Variants in PPP1R12B observed in about 807,000 individuals in gnomAD.
PPP1R12B encodes protein phosphatase 1 regulatory subunit 12B.
PPP1R12B carries 76 observed loss-of-function variants against 126.1 expected under a neutral mutation model. The ratio of observed to expected loss-of-function variants is 0.60; its 90% confidence interval spans 0.50 to 0.73. The LOEUF is 0.73. PPP1R12B is among the 30% of genes least tolerant of loss of function. The probability of loss-of-function intolerance (pLI) is 0.00; values close to 1 mark genes in which losing one functional copy is unlikely to be tolerated. For missense variants in PPP1R12B, 1,052 were observed against 1,205.1 expected (o/e 0.87, Z 1.88); for synonymous variants, 356 against 434.7 (o/e 0.82, Z 2.25).
intron 5 of PPP1R12B, 136 bp from the exon 6 acceptor site, chr1:202,428,719 A>G (rs1368307202): frequency 5.8e-6 from 4 of 686,460 alleles, no homozygotes; most frequent in East Asian, 2.8e-5. Flanking sequence ...ATCATAATGT[A>G]TGGTAGATTA....
chr1:202,543,515 G>A (rs868180478), intron 18 of PPP1R12B, among the ~76,000 whole-genome samples: 1 of 152,128 alleles, frequency 6.6e-6, no homozygotes, highest in Non-Finnish European at 1.5e-5. Context: ...CTGAAGCCTC[G>A]TGGACCACGA....
At chr1:202,580,356 G>T in intron 23 of PPP1R12B, 118 bp from the exon 24 acceptor site, 1 of 713,160 alleles carries the variant, frequency 1.4e-6, no homozygotes, top group South Asian at 1.6e-5. Context: ...GACCATGAGA[G>T]TTTATTCCAC....
rs146061927 is a variant in PPP1R12B at position 202,431,410 on chromosome 1, T to C, written c.1002-70T>C. On this transcript the variant is annotated intron_variant, in intron 7 of 23. Transcript: ENST00000608999. ...GTTATTGCTTCCACATATAGGTTTA[T>C]AGACTTGTTCCCTTTATTATACCTG... The C allele has an allele frequency of 6.7e-4, 879 of 1,318,664 alleles. 8 individuals carry two copies. In the South Asian group the frequency reaches 9.2e-3, roughly 14 times the overall value. The allele number at this position is 1,318,664 out of a possible 1,614,324, so 81.7% of individuals were successfully genotyped here. A position where few individuals can be genotyped will look rare whatever the true frequency, so the allele number is the denominator to read the frequency against.
intron 18 of PPP1R12B, among the ~76,000 whole-genome samples, chr1:202,529,996 T>G (rs1262436106): frequency 6.6e-6 from 1 of 152,212 alleles, no homozygotes; most frequent in Non-Finnish European, 1.5e-5. Context: ...TTTATAGTCT[T>G]AACAAAAATT....
intron 18 of PPP1R12B, among the ~76,000 whole-genome samples, chr1:202,547,883 C>A (rs1685813975): frequency 6.6e-6 from 1 of 151,966 alleles, no homozygotes; most frequent in South Asian, 2.1e-4. Flanking sequence ...TTGGGAGAGC[C>A]AAAAGACCAA....
intron 18 of PPP1R12B, among the ~76,000 whole-genome samples, chr1:202,517,856 C>T (rs1217260899): frequency 6.6e-6 from 1 of 152,102 alleles, no homozygotes. Context: ...GAACTCCTGA[C>T]CTCAGGTGAT....
At chr1:202,386,033 A>C (rs942996925) in intron 1 of PPP1R12B, among the ~76,000 whole-genome samples, 2 of 151,190 alleles carry the variant, frequency 1.3e-5, no homozygotes, top group Admixed American at 1.3e-4. Context: ...TCCCGGGTTC[A>C]CACCATTCTC....
chr1:202,465,186 C>T (rs1431595592), intron 13 of PPP1R12B, among the ~76,000 whole-genome samples: 3 of 152,156 alleles, frequency 2.0e-5, no homozygotes, highest in Non-Finnish European at 4.4e-5. Context: ...AATCTGTCCA[C>T]AGTCACAGAA....
intron 8 of PPP1R12B, 27 bp downstream of exon 8, chr1:202,431,646 A>G (rs373184523): frequency 5.5e-5 from 88 of 1,589,286 alleles, no homozygotes; most frequent in African/African-American, 1.4e-5. Flanking sequence ...CATAGTGAAG[A>G]TCCTCTATCT....
intron 18 of PPP1R12B, among the ~76,000 whole-genome samples, chr1:202,524,345 A>C (rs1367614293): frequency 2.0e-5 from 3 of 152,180 alleles, no homozygotes. Context: ...TTGGGGAAGA[A>C]AACTAGGAAG....
intron 14 of PPP1R12B, among the ~76,000 whole-genome samples, chr1:202,492,253 T>C (rs536811276): frequency 1.3e-5 from 2 of 152,376 alleles, no homozygotes; most frequent in East Asian, 1.9e-4. Flanking sequence ...ACAGTAACCA[T>C]TGGATTTGTC....
Position 202,388,739 on chromosome 1 carries a change from A to G in PPP1R12B, c.292-28048A>G, listed in dbSNP as rs539046086. On this transcript the variant is annotated intron_variant, in intron 1 of 23. Coordinates refer to ENST00000608999, the MANE Select transcript of PPP1R12B (RefSeq NM_002481.4). ...CATAGTGTTTGCTATTATTGTTTTT[A>G]TTATAAAATCCATGTAACTCTAGTC... Among the ~76,000 whole-genome samples, 20 of 152,266 alleles carry G rather than the reference A, an allele frequency of 1.3e-4. No homozygotes were observed. In the East Asian group the frequency reaches 3.7e-3, roughly 28 times the overall value.
chr1:202,398,764 C>A (rs1452081651), intron 1 of PPP1R12B, among the ~76,000 whole-genome samples: 1 of 152,144 alleles, frequency 6.6e-6, no homozygotes, highest in Non-Finnish European at 1.5e-5. Flanking sequence ...CCAAGTAACT[C>A]TGTTTTAGTT....
chr1:202,444,855 C>A lies in PPP1R12B; in HGVS notation c.1667+2283C>A, dbSNP rs116258286. Reference sequence around the variant, plus strand: ...TTCAAAGAGTGATGATTCCTTCATTCTTTTGGATGATTGCCTGCTTGCTGC... The same window carrying A: ...TTCAAAGAGTGATGATTCCTTCATTATTTTGGATGATTGCCTGCTTGCTGC... On this transcript the variant is annotated intron_variant, in intron 12 of 23. Transcript: ENST00000608999. Among the ~76,000 whole-genome samples, 957 of 152,294 alleles carry A rather than the reference C, an allele frequency of 6.3e-3. 7 individuals are homozygous for A. The highest frequency in any genetic ancestry group is 0.014 in the African/African-American group (580 of 41,560).
chr1:202,492,948 A>G (rs1487688169), intron 14 of PPP1R12B, among the ~76,000 whole-genome samples, 166 bp from the exon 15 acceptor site: 1 of 152,174 alleles, frequency 6.6e-6, no homozygotes, highest in Non-Finnish European at 1.5e-5. Flanking sequence ...GTACACTGAG[A>G]TGCTTATTTT....
At chr1:202,389,379 T>C (rs1426909510) in intron 1 of PPP1R12B, among the ~76,000 whole-genome samples, 1 of 151,856 alleles carries the variant, frequency 6.6e-6, no homozygotes, top group Admixed American at 6.6e-5. Context: ...GCGCGGTGGC[T>C]CATGCCTGTA....
chr1:202,587,112 T>A lies in PPP1R12B; in HGVS notation c.*6552T>A, dbSNP rs1422348189. Reference sequence around the variant, plus strand: ...CTGCCAGAGTGATATTTTCTGTTATTTCTCCTCCAAATTTTTCCCTGATGT... The same window carrying A: ...CTGCCAGAGTGATATTTTCTGTTATATCTCCTCCAAATTTTTCCCTGATGT... On this transcript the variant is annotated 3_prime_UTR_variant, in exon 24 of 24. Coordinates refer to ENST00000608999, the MANE Select transcript of PPP1R12B (RefSeq NM_002481.4). 3 of 152,238 alleles carry A rather than the reference T, an allele frequency of 2.0e-5. No individual in the cohort carries two copies. The highest frequency in any genetic ancestry group is 7.2e-5 in the African/African-American group (3 of 41,462). The allele number at this position is 152,238 out of a possible 1,614,324, so 9.4% of individuals were successfully genotyped here.
intron 2 of PPP1R12B, among the ~76,000 whole-genome samples, chr1:202,417,651 G>C (rs1049490206): frequency 2.0e-5 from 3 of 152,178 alleles, no homozygotes; most frequent in African/African-American, 7.2e-5. Context: ...TGAGGCAGTT[G>C]AGTGTATCCT....
At chr1:202,575,837 C>G (rs553192885) in intron 23 of PPP1R12B, 1 of 152,184 alleles carries the variant, frequency 6.6e-6, no homozygotes, top group Non-Finnish European at 1.5e-5. Context: ...CTTTGGATAC[C>G]AGACAGTCCT....
Sources: allele counts gnomAD v4.1 joint callset (sites outside exome capture counted in the v4.1 genomes callset), GRCh38; gene constraint gnomAD v4.1.1; transcripts MANE v1.5; gene names NCBI Gene and HGNC (gene_info 2026-07-23, HGNC 2026-07-21).